The following FOXP2 variants were observed in gnomAD, a reference collection of about 807,000 sequenced individuals.
The protein encoded by FOXP2 is forkhead box protein P2.
Under a neutral mutation model 115.8 loss-of-function variants are expected in FOXP2, and 12 were observed. The ratio of observed to expected loss-of-function variants is 0.10; its 90% confidence interval spans 0.07 to 0.17. FOXP2 has a LOEUF of 0.17. Ranked by LOEUF, FOXP2 falls within the 10% of genes least tolerant of loss-of-function variation. The pLI, the probability that FOXP2 is intolerant of heterozygous loss-of-function variation, is 1.00. For synonymous variants in FOXP2, 328 were observed against 297.7 expected (o/e 1.10, Z -1.05); for missense variants, 629 against 843.5 (o/e 0.75, Z 3.15).
chr7:114,462,663 G>A (rs529652413), intron 2 of FOXP2, among the ~76,000 whole-genome samples: 3 of 152,210 alleles, frequency 2.0e-5, no homozygotes, highest in East Asian at 1.9e-4. Context: ...GAGCCACCGC[G>A]CCCGGCTTCT....
chr7:114,112,580 G>A (rs375172011), intron 1 of FOXP2, among the ~76,000 whole-genome samples: 73 of 152,196 alleles, frequency 4.8e-4, no homozygotes, highest in African/African-American at 1.6e-3. Flanking sequence ...GATTACAGGC[G>A]TGAGTCACTG....
intron 1 of FOXP2, among the ~76,000 whole-genome samples, chr7:114,091,365 A>T (rs1799539580): frequency 6.6e-6 from 1 of 151,898 alleles, no homozygotes. Context: ...AAGTAAATTT[A>T]AGGGTATACA....
intron 3 of FOXP2, among the ~76,000 whole-genome samples, chr7:114,550,003 G>A (rs1310277763): frequency 2.6e-5 from 4 of 151,908 alleles, no homozygotes; most frequent in Non-Finnish European, 5.9e-5. Flanking sequence ...TGTCTCATAG[G>A]CCAGTAAGTT....
chr7:114,660,221 A>G (rs1806792806), intron 13 of FOXP2, among the ~76,000 whole-genome samples: 1 of 152,206 alleles, frequency 6.6e-6, no homozygotes, highest in African/African-American at 2.4e-5. Flanking sequence ...GTTCATCTAT[A>G]TCCCTGTCCA....
chr7:114,677,966 A>G (rs1204471027), intron 16 of FOXP2, among the ~76,000 whole-genome samples: 1 of 152,232 alleles, frequency 6.6e-6, no homozygotes, highest in Non-Finnish European at 1.5e-5. Context: ...AAACTCTAAT[A>G]GAGGGATAAG....
chr7:114,692,780 T>C lies in FOXP2; in HGVS notation c.*2854T>C. The C allele has an allele frequency of 2.3e-6, 1 of 442,286 alleles. No homozygotes were observed. Among genetic ancestry groups the C allele is most frequent in the Non-Finnish European group, 4.5e-6 (1 of 221,332 alleles). 27.4% of individuals were successfully genotyped at this position (442,286 alleles called of 1,614,324 possible). The stretch of plus-strand genomic sequence containing the variant: ...CTTTTGTATACAGCAAATTTTAAAC[T>C]GTAGCACAAACATCTGTTTATGTAT... On this transcript the variant is annotated 3_prime_UTR_variant, in exon 17 of 17. Transcript: ENST00000350908.
chr7:114,126,288 T>C (rs893053397), intron 1 of FOXP2, among the ~76,000 whole-genome samples: 2 of 152,044 alleles, frequency 1.3e-5, no homozygotes, highest in Admixed American at 1.3e-4. Context: ...TTCAAAACTA[T>C]AGTAGCATAC....
chr7:114,357,645 A>G (rs1385683435), intron 2 of FOXP2, among the ~76,000 whole-genome samples: 2 of 152,150 alleles, frequency 1.3e-5, no homozygotes, highest in Non-Finnish European at 2.9e-5. Flanking sequence ...CCTTCAGTAA[A>G]TGCCTTCATC....
At chr7:114,454,241 C>T (rs1286157745) in intron 2 of FOXP2, among the ~76,000 whole-genome samples, 8 of 152,040 alleles carry the variant, frequency 5.3e-5, no homozygotes, top group Non-Finnish European at 1.0e-4. Flanking sequence ...AAGAAGACAT[C>T]TATGCAGCCA....
At chr7:114,679,408 A>C (rs1335692602) in intron 16 of FOXP2, among the ~76,000 whole-genome samples, 1 of 152,200 alleles carries the variant, frequency 6.6e-6, no homozygotes, top group Non-Finnish European at 1.5e-5. Flanking sequence ...GTAAGTTCCC[A>C]TTTGGCAACT....
At chr7:114,320,089 A>T (rs927395500) in intron 2 of FOXP2, among the ~76,000 whole-genome samples, 2 of 113,198 alleles carry the variant, frequency 1.8e-5, no homozygotes, top group Non-Finnish European at 4.4e-5. Flanking sequence ...ATTCCCATAT[A>T]TACTCATAAT....
chr7:114,331,137 C>A (rs1449035493), intron 2 of FOXP2, among the ~76,000 whole-genome samples: 3 of 151,984 alleles, frequency 2.0e-5, no homozygotes, highest in African/African-American at 7.2e-5. Flanking sequence ...GCAAAACAAC[C>A]TTATAAAATA....
At chr7:114,502,622 T>C (rs1480360788) in intron 2 of FOXP2, among the ~76,000 whole-genome samples, 1 of 152,028 alleles carries the variant, frequency 6.6e-6, no homozygotes, top group African/African-American at 2.4e-5. Flanking sequence ...GTATTTGAGT[T>C]GAAATTTACA....
At chr7:114,258,350 A>G (rs989276850) in intron 1 of FOXP2, among the ~76,000 whole-genome samples, 1 of 152,200 alleles carries the variant, frequency 6.6e-6, no homozygotes, top group Non-Finnish European at 1.5e-5. Context: ...TAATGTTCCT[A>G]TGCAAAGGAA....
intron 2 of FOXP2, among the ~76,000 whole-genome samples, chr7:114,369,430 A>G (rs1277904756): frequency 6.6e-6 from 1 of 152,064 alleles, no homozygotes; most frequent in Non-Finnish European, 1.5e-5. Context: ...ATCTACTTGG[A>G]GTATACCTCC....
chr7:114,601,559 A>AT (rs1803025705), intron 3 of FOXP2, among the ~76,000 whole-genome samples: 1 of 152,026 alleles, frequency 6.6e-6, no homozygotes, highest in South Asian at 2.1e-4. Context: ...TTTTAAACCT[A>AT]TTAAGGTAGA....
intron 1 of FOXP2, among the ~76,000 whole-genome samples, chr7:114,127,487 T>A (rs1316031425): frequency 1.3e-5 from 2 of 152,148 alleles, no homozygotes; most frequent in African/African-American, 4.8e-5. Context: ...GATAAAAGAC[T>A]TAGAATTCAG....
chr7:114,297,957 T>C (rs1445113185), intron 2 of FOXP2, among the ~76,000 whole-genome samples: 1 of 152,236 alleles, frequency 6.6e-6, no homozygotes, highest in Non-Finnish European at 1.5e-5. Flanking sequence ...TATTATATTC[T>C]ATACTTATTT....
Position 114,378,684 on chromosome 7 carries a change from C to CAAAAAAAAAAAAAAAA in FOXP2, c.-10-47816_-10-47801dup, listed in dbSNP as rs398005920. Among the ~76,000 whole-genome samples the CAAAAAAAAAAAAAAAA allele has an allele frequency of 3.9e-3, 70 of 18,068 alleles. 2 individuals are homozygous for CAAAAAAAAAAAAAAAA. Among genetic ancestry groups the CAAAAAAAAAAAAAAAA allele is most frequent in the African/African-American group, 0.013 (66 of 5,268 alleles). The allele number at this position is 18,068 out of a possible 152,430, so 11.9% of individuals were successfully genotyped here. A position where few individuals can be genotyped will look rare whatever the true frequency, so the allele number is the denominator to read the frequency against. ...GTGAGACAATGTAAGACCCTGTCTC[C>CAAAAAAAAAAAAAAAA]AAAAAAAAAAAAAAAAAGGAAAAGA... On this transcript the variant is annotated intron_variant, in intron 2 of 17. Coordinates refer to the FOXP2 transcript ENST00000634411.
Sources: gnomAD v4.1 joint callset for allele counts (sites outside exome capture counted in the v4.1 genomes callset) on GRCh38, gnomAD v4.1.1 for gene constraint, MANE v1.5 for transcripts, NCBI Gene and HGNC (gene_info 2026-07-23, HGNC 2026-07-21) for gene names.